CARD8: variants seen among roughly 807,000 people sequenced by gnomAD.
The protein encoded by CARD8 is caspase recruitment domain-containing protein 8.
Under a neutral mutation model 53.2 loss-of-function variants are expected in CARD8, and 38 were observed. The ratio of observed to expected loss-of-function variants is 0.71; its 90% CI spans 0.55 to 0.94. The LOEUF (loss-of-function observed/expected upper bound fraction) is 0.94, where lower values mean the gene tolerates loss of function less well. Ranked by LOEUF, CARD8 falls within the 40% of genes least tolerant of loss-of-function variation. CARD8 has a pLI of 0.00. For synonymous variants in CARD8, 245 were observed against 244.9 expected (o/e 1.00, Z 0.00); for missense variants, 561 against 655.5 (o/e 0.86, Z 1.57).
chr19:48,221,723 T>C lies in CARD8; in HGVS notation c.1161+7A>G. 1 of 1,562,094 alleles carries C rather than the reference T, an allele frequency of 6.4e-7. No homozygotes were observed. Among genetic ancestry groups the C allele is most frequent in the African/African-American group, 1.3e-5 (1 of 74,248 alleles). On this transcript the variant is annotated splice_region_variant and intron_variant, in intron 11 of 13. Transcript: ENST00000651546. Reference sequence around the variant, plus strand: ...AACCTGCTGAGTTGGGTTTGAATTCTACTAACCTTGGGCATTACTTTCAGG... The same window carrying C: ...AACCTGCTGAGTTGGGTTTGAATTCCACTAACCTTGGGCATTACTTTCAGG...
Position 48,238,496 on chromosome 19 carries a change from T to C in CARD8, c.96A>G (p.Lys32=). Residue 32 remains lysine, a synonymous_variant, in exon 5 of 14, where the codon AAA becomes AAG. Coordinates refer to ENST00000651546, the MANE Select transcript of CARD8 (RefSeq NM_001184900.3). The part of the protein sequence containing the change: ...SGSSRNIDAS[K]LIRLQGSRKL... ...TCCGTGATCCTTGTAGTCTAATGAG[T>C]TTGGATGCATCTATGTTCCTACTGG... 2.6e-6 allele frequency: 4 copies of C among 1,536,490 alleles called. No homozygotes were observed. The highest frequency in any genetic ancestry group is 2.6e-6 in the Non-Finnish European group (3 of 1,146,960).
At chr19:48,246,551 GACAA>G (rs1429075330) in intron 3 of CARD8, among the ~76,000 whole-genome samples, 1 of 151,956 alleles carries the variant, frequency 6.6e-6, no homozygotes, top group African/African-American at 2.4e-5. Flanking sequence ...TAGATAGACT[GACAA>G]ACAGATAGAC....
intron 10 of CARD8, among the ~76,000 whole-genome samples, chr19:48,229,070 C>T (rs986875950): frequency 6.6e-6 from 1 of 151,886 alleles, no homozygotes; most frequent in African/African-American, 2.4e-5. Context: ...ACCCGGGAGG[C>T]GGAGGTTTCA....
intron 1 of CARD8, among the ~76,000 whole-genome samples, chr19:48,255,278 A>G (rs1255770374): frequency 6.6e-6 from 1 of 152,168 alleles, no homozygotes; most frequent in Non-Finnish European, 1.5e-5. Flanking sequence ...AGGCACGAGA[A>G]TCGCTTGAAC....
At chr19:48,255,180 A>G (rs1259571278) in intron 1 of CARD8, among the ~76,000 whole-genome samples, 2 of 152,174 alleles carry the variant, frequency 1.3e-5, no homozygotes, top group Non-Finnish European at 2.9e-5. Context: ...ATCCTGGCCA[A>G]CATGGTGAAA....
chr19:48,217,240 TACC>T (rs2039517001), intron 12 of CARD8, among the ~76,000 whole-genome samples: 1 of 152,188 alleles, frequency 6.6e-6, no homozygotes. Flanking sequence ...CACAGACCGG[TACC>T]AGTCCCTAGC....
Position 48,225,126 on chromosome 19 carries a change from G to A in CARD8, c.1036-3271C>T, listed in dbSNP as rs544615417. Among the ~76,000 whole-genome samples the A allele has an allele frequency of 7.9e-4, 83 of 104,882 alleles. 3 individuals carry two copies. The South Asian group carries it at 0.02, about 25-fold the overall frequency. The allele number at this position is 104,882 out of a possible 152,430, so 68.8% of individuals were successfully genotyped here. A position where few individuals can be genotyped will look rare whatever the true frequency, so the allele number is the denominator to read the frequency against. On this transcript the variant is annotated intron_variant, in intron 10 of 13. Coordinates refer to ENST00000651546, the MANE Select transcript of CARD8 (RefSeq NM_001184900.3). ...CATGATATAGAGTACACAATTTACAGAGAAGCAGATCATAAATAAATAGAC... is the reference window on the plus strand; with the variant it reads ...CATGATATAGAGTACACAATTTACAAAGAAGCAGATCATAAATAAATAGAC...
chr19:48,207,736 T>TC (rs2037439794), downstream of CARD8, among the ~76,000 whole-genome samples: 1 of 90,620 alleles, frequency 1.1e-5, no homozygotes, highest in Admixed American at 1.1e-4. Flanking sequence ...GTTTTTCTGT[T>TC]TTTTTTTTTT....
intron 10 of CARD8, among the ~76,000 whole-genome samples, chr19:48,222,545 C>T (rs1242957189): frequency 2.0e-5 from 3 of 152,070 alleles, no homozygotes; most frequent in South Asian, 2.1e-4. Context: ...AAAAATTAGC[C>T]GGGCGTGGTG....
rs749622573 is a variant in CARD8 at position 48,218,982 on chromosome 19, C to T, written c.1192G>A (p.Glu398Lys). Reference sequence around the variant, plus strand: ...TAGAATTTTGAGAAGTGCTGAATTTCTCCAGGGCTCCTGTAGGACAATTTC... The same window carrying T: ...TAGAATTTTGAGAAGTGCTGAATTTTTCCAGGGCTCCTGTAGGACAATTTC... ...ELKLSYRSPG[E>K]IQHFSKFYAG... Residue 398 changes from glutamate to lysine, a missense_variant, in exon 12 of 14, where the codon GAA (glutamate) becomes AAA (lysine). By Grantham distance (56) the Glu-to-Lys change is moderately conservative. Coordinates refer to ENST00000651546, the MANE Select transcript of CARD8 (RefSeq NM_001184900.3). 6.2e-7 allele frequency: 1 copy of T among 1,614,056 alleles called. No individual in the cohort carries two copies. Among genetic ancestry groups the T allele is most frequent in the Non-Finnish European group, 8.5e-7 (1 of 1,179,954 alleles).
chr19:48,212,020 C>T (rs945544090), intron 13 of CARD8, 45 bp from the exon 14 acceptor site: 2 of 1,573,026 alleles, frequency 1.3e-6, no homozygotes, highest in Non-Finnish European at 1.7e-6. Context: ...CGTTCACTTA[C>T]AGGATTCAGG....
In CARD8 at chr19:48,238,497, T is replaced by C. The variant is rs1311430555; in HGVS notation, c.95A>G (p.Lys32Arg). The C allele has an allele frequency of 7.8e-6, 12 of 1,536,514 alleles. No homozygotes were observed. Among genetic ancestry groups the C allele is most frequent in the Non-Finnish European group, 9.6e-6 (11 of 1,146,978 alleles). ...SGSSRNIDAS[K>R]LIRLQGSRKL... ...CCGTGATCCTTGTAGTCTAATGAGT[T>C]TGGATGCATCTATGTTCCTACTGGA... Residue 32 changes from lysine to arginine, a missense_variant, in exon 5 of 14, where the codon AAA becomes AGA. By Grantham distance (26) the Lys-to-Arg change is conservative. Coordinates refer to ENST00000651546, the MANE Select transcript of CARD8 (RefSeq NM_001184900.3).
intron 5 of CARD8, 182 bp downstream of exon 5, chr19:48,238,201 T>A (rs1221307916): frequency 1.7e-6 from 2 of 1,159,990 alleles, no homozygotes; most frequent in African/African-American, 1.6e-5. Flanking sequence ...CTTTTTTCCC[T>A]ACTTCTTATG....
chr19:48,234,765 T>C (rs16981845), intron 5 of CARD8, among the ~76,000 whole-genome samples: 8,682 of 152,232 alleles, frequency 0.057, 629 homozygotes, highest in African/African-American at 0.17. Flanking sequence ...TTTCCCACTA[T>C]ATGCTGCTCT....
At chr19:48,215,287 A>G (rs2145426791) in intron 13 of CARD8, 53 bp downstream of exon 13, 1 of 1,313,372 alleles carries the variant, frequency 7.6e-7, no homozygotes, top group Admixed American at 1.7e-5. Flanking sequence ...TCACTCAAAG[A>G]CCCCTTGATG....
chr19:48,252,498 A>T (rs1026251474), intron 1 of CARD8, among the ~76,000 whole-genome samples: 24 of 145,820 alleles, frequency 1.6e-4, no homozygotes, highest in African/African-American at 5.8e-4. Context: ...AATATATATA[A>T]TTTTTTTTTT....
downstream of CARD8, among the ~76,000 whole-genome samples, chr19:48,205,094 G>C (rs1376083903): frequency 3.3e-5 from 5 of 152,210 alleles, no homozygotes; most frequent in East Asian, 9.6e-4. Context: ...TTGGGTTGTA[G>C]GAGGAGCTGG....
chr19:48,212,260 CAG>C (rs770018895), intron 13 of CARD8, among the ~76,000 whole-genome samples: 29 of 152,208 alleles, frequency 1.9e-4, no homozygotes, highest in Non-Finnish European at 3.5e-4. Context: ...AAATCCTAGA[CAG>C]AGCTCTATCT....
At chr19:48,243,764 T>A (rs1173510748) in intron 3 of CARD8, among the ~76,000 whole-genome samples, 2 of 152,218 alleles carry the variant, frequency 1.3e-5, no homozygotes, top group Non-Finnish European at 2.9e-5. Flanking sequence ...AGTGACAGGA[T>A]CCCTTGATCC....
Sources: allele counts gnomAD v4.1 joint callset (sites outside exome capture counted in the v4.1 genomes callset), GRCh38; gene constraint gnomAD v4.1.1; transcripts MANE v1.5; gene names NCBI Gene and HGNC (gene_info 2026-07-23, HGNC 2026-07-21).